The following PIGU variants were observed in gnomAD, a reference collection of about 807,000 sequenced individuals.
PIGU encodes GPI-anchor transamidase component PIGU.
A neutral mutation model predicts 49.9 loss-of-function variants in PIGU; 24 were observed. The observed-to-expected ratio is 0.48, with a 90% CI of 0.35 to 0.68. PIGU has a LOEUF of 0.68. PIGU is among the 30% of genes least tolerant of loss of function. The pLI, the probability that PIGU is intolerant of heterozygous loss-of-function variation, is 0.01. For synonymous variants in PIGU, 220 were observed against 205.7 expected (o/e 1.07, Z -0.59); for missense variants, 490 against 532.6 (o/e 0.92, Z 0.79).
chr20:34,580,562 GC>G, intron 10 of PIGU, among the ~76,000 whole-genome samples: 1 of 152,178 alleles, frequency 6.6e-6, no homozygotes, highest in Non-Finnish European at 1.5e-5. Flanking sequence ...TTGACACCTT[GC>G]TGGACACCCA....
intron 6 of PIGU, among the ~76,000 whole-genome samples, chr20:34,623,273 A>G (rs1296859412): frequency 6.6e-6 from 1 of 152,200 alleles, no homozygotes; most frequent in Non-Finnish European, 1.5e-5. Flanking sequence ...GAGACTGCCC[A>G]GGAGGAGGAG....
intron 10 of PIGU, among the ~76,000 whole-genome samples, chr20:34,580,874 T>C (rs902285866): frequency 6.6e-6 from 1 of 152,124 alleles, no homozygotes; most frequent in Non-Finnish European, 1.5e-5. Flanking sequence ...GAAGAGGGGA[T>C]GGTTAGAGCT....
intron 10 of PIGU, chr20:34,579,411 A>G (rs963088223): frequency 3.3e-5 from 5 of 152,200 alleles, no homozygotes; most frequent in African/African-American, 1.2e-4. Flanking sequence ...GGAAAACAGA[A>G]AGGTGAATGT....
chr20:34,673,742 G>A (rs1265545198), intron 1 of PIGU, among the ~76,000 whole-genome samples: 2 of 152,174 alleles, frequency 1.3e-5, no homozygotes, highest in Admixed American at 1.3e-4. Flanking sequence ...TTTTACAGAT[G>A]GAAACACTGA....
At chr20:34,624,439 A>G (rs753389457) in intron 6 of PIGU, among the ~76,000 whole-genome samples, 4 of 152,206 alleles carry the variant, frequency 2.6e-5, no homozygotes, top group South Asian at 2.1e-4. Context: ...GCTCTTAATC[A>G]TGCTTGAATA....
chr20:34,588,109 G>A lies in PIGU; in HGVS notation c.782+344C>T, dbSNP rs552577150. 6.6e-5 allele frequency among the ~76,000 whole-genome samples: 10 copies of A among 152,152 alleles called. No homozygotes were observed. The East Asian group carries it at 7.7e-4, about 12-fold the overall frequency. ...TCTACTAAAAATACAAAAATTAGCC[G>A]GGCGTGGTGGTGCATGCCTGTAGTC... On this transcript the variant is annotated intron_variant, in intron 8 of 11. Transcript: ENST00000217446.
intron 2 of PIGU, among the ~76,000 whole-genome samples, chr20:34,650,677 T>C (rs1329164053): frequency 6.7e-6 from 1 of 149,054 alleles, no homozygotes; most frequent in South Asian, 2.1e-4. Context: ...TGCTTGGTAA[T>C]TTTTTTCCTT....
In PIGU at chr20:34,569,461, GCTCA is replaced by G. The variant is rs1466404249; in HGVS notation, c.1194+5639_1194+5642del. 3.7e-4 allele frequency among the ~76,000 whole-genome samples: 57 copies of G among 152,256 alleles called. 1 individual carries two copies. Among genetic ancestry groups the G allele is most frequent in the African/African-American group, 1.2e-3 (48 of 41,546 alleles). On this transcript the variant is annotated intron_variant, in intron 11 of 11. Transcript: ENST00000217446. ...GCCCAGGCTGTTCTCGAACTCCTAA[GCTCA>G]AGCGATCTGCCCGCCTCAGCCTCCC...
intron 11 of PIGU, among the ~76,000 whole-genome samples, chr20:34,573,092 CCTT>C (rs1241810212): frequency 6.6e-5 from 10 of 152,236 alleles, no homozygotes; most frequent in African/African-American, 2.2e-4. Flanking sequence ...CTCAAGTAAT[CCTT>C]CTACCTTGGT....
At chr20:34,674,450 A>T (rs1987426152) in intron 1 of PIGU, among the ~76,000 whole-genome samples, 1 of 152,174 alleles carries the variant, frequency 6.6e-6, no homozygotes, top group Admixed American at 6.6e-5. Context: ...CTTAATTACC[A>T]AACAACACTG....
Position 34,649,387 on chromosome 20 carries a change from ACTT to A in PIGU, c.196-4056_196-4054del, listed in dbSNP as rs1389792895. Among the ~76,000 whole-genome samples, 57 of 143,980 alleles carry A rather than the reference ACTT, an allele frequency of 4.0e-4. 1 individual carries two copies. Among genetic ancestry groups the A allele is most frequent in the African/African-American group, 1.2e-3 (48 of 39,492 alleles). The allele number at this position is 143,980 out of a possible 152,430, so 94.5% of individuals were successfully genotyped here. On this transcript the variant is annotated intron_variant, in intron 2 of 11. Coordinates refer to ENST00000217446, the MANE Select transcript of PIGU (RefSeq NM_080476.5). ...TGTTTTACTAAGTTTCAGATCTCTT[ACTT>A]TTTTTTTTTTTTTCTGTGTTTTCTA...
intron 7 of PIGU, among the ~76,000 whole-genome samples, chr20:34,590,185 C>G (rs1422855733): frequency 1.3e-5 from 2 of 151,390 alleles, no homozygotes; most frequent in Admixed American, 6.6e-5. Context: ...AAAAAACCAC[C>G]CCAGTATGTG....
chr20:34,591,366 A>G (rs573452076), intron 7 of PIGU, among the ~76,000 whole-genome samples: 1 of 152,330 alleles, frequency 6.6e-6, no homozygotes, highest in South Asian at 2.1e-4. Flanking sequence ...ATTAGTAATC[A>G]AATAGAAAAA....
In PIGU at chr20:34,676,997, T is replaced by C. The variant is rs1224772694; in HGVS notation, c.89A>G (p.Glu30Gly). 1.9e-6 allele frequency: 3 copies of C among 1,583,302 alleles called. No individual in the cohort carries two copies. In the South Asian group the frequency reaches 3.5e-5, roughly 18 times the overall value. ...CAGTGGGGACACCACCTCCACCCGC[T>C]CGGAAATGAACTCGGCCAGACTGGA... ...FRSSLAEFIS[E>G]RVEVVSPLSS... The change falls in exon 1 of 12, where the codon GAG becomes GGG. Residue 30 changes from glutamate to glycine, a missense_variant. Physicochemically the swap from Glu to Gly is moderately conservative, Grantham distance 98. Transcript: ENST00000217446.
chr20:34,572,898 T>C (rs974523318), intron 11 of PIGU, among the ~76,000 whole-genome samples: 1 of 152,194 alleles, frequency 6.6e-6, no homozygotes, highest in Non-Finnish European at 1.5e-5. Flanking sequence ...TGTCTATAAA[T>C]GCACAGAAGA....
At chr20:34,582,280 T>C (rs930775960) in intron 9 of PIGU, among the ~76,000 whole-genome samples, 12 of 152,210 alleles carry the variant, frequency 7.9e-5, no homozygotes, top group Non-Finnish European at 1.6e-4. Context: ...TTTAACCTAA[T>C]AATAAGTGAT....
intron 7 of PIGU, among the ~76,000 whole-genome samples, chr20:34,589,201 T>G (rs773170763): frequency 6.6e-6 from 1 of 151,908 alleles, no homozygotes; most frequent in Non-Finnish European, 1.5e-5. Flanking sequence ...AAAGTTATGA[T>G]AGTATTAGCC....
intron 7 of PIGU, among the ~76,000 whole-genome samples, chr20:34,604,464 T>C (rs1220783717): frequency 6.6e-6 from 1 of 152,242 alleles, no homozygotes; most frequent in Non-Finnish European, 1.5e-5. Context: ...AGATATATTT[T>C]GCATGACAGA....
chr20:34,584,190 C>T (rs2146708744), intron 9 of PIGU, among the ~76,000 whole-genome samples: 2 of 152,258 alleles, frequency 1.3e-5, no homozygotes, highest in East Asian at 3.9e-4. Context: ...ATTTCCTCAA[C>T]TATAAAATGG....
Sources: allele counts gnomAD v4.1 joint callset (sites outside exome capture counted in the v4.1 genomes callset), GRCh38; gene constraint gnomAD v4.1.1; transcripts MANE v1.5; gene names NCBI Gene and HGNC (gene_info 2026-07-23, HGNC 2026-07-21).